CD6: variants seen among roughly 807,000 people sequenced by gnomAD.
The protein encoded by CD6 is T-cell differentiation antigen CD6.
Under a neutral mutation model 75.3 loss-of-function variants are expected in CD6, and 53 were observed. That is an observed-to-expected ratio of 0.70 (90% CI 0.56 to 0.88). The LOEUF (loss-of-function observed/expected upper bound fraction) is 0.88, where lower values mean the gene tolerates loss of function less well. Ranked by LOEUF, CD6 falls within the 40% of genes least tolerant of loss-of-function variation. The pLI is 0.00. For missense variants in CD6, 770 were observed against 897.1 expected, an observed-to-expected ratio of 0.86 and a Z score of 1.81; for synonymous variants, 359 against 381.5, an observed-to-expected ratio of 0.94 and a Z score of 0.69.
intron 1 of CD6, among the ~76,000 whole-genome samples, chr11:60,984,565 C>T (rs1005925986): frequency 3.3e-5 from 5 of 152,202 alleles, no homozygotes; most frequent in Non-Finnish European, 5.9e-5. Flanking sequence ...ACTGAGGATA[C>T]GGGACAAAGT....
intron 1 of CD6, chr11:60,987,843 A>G (rs1423244822): frequency 6.6e-6 from 1 of 152,224 alleles, no homozygotes; most frequent in Non-Finnish European, 1.5e-5. Context: ...ACTTAGTTCC[A>G]AGCCCAAGGA....
Position 61,019,436 on chromosome 11 carries a change from C to A in CD6, c.*118C>A. 1.4e-6 allele frequency: 1 copy of A among 733,568 alleles called. No homozygotes were observed. The highest frequency in any genetic ancestry group is 2.0e-5 in the South Asian group (1 of 50,942). The allele number at this position is 733,568 out of a possible 1,614,324, so 45.4% of individuals were successfully genotyped here. ...CTCCCCATGGAGCTGAGAGGCCTCC[C>A]TTGGAGAGATGGAAGGAAACGTTAT... On this transcript the variant is annotated 3_prime_UTR_variant, in exon 13 of 13. Transcript: ENST00000313421.
At chr11:60,995,057 C>T (rs1858234251) in intron 1 of CD6, among the ~76,000 whole-genome samples, 2 of 152,168 alleles carry the variant, frequency 1.3e-5, no homozygotes, top group Non-Finnish European at 2.9e-5. Flanking sequence ...TCCAAGTCCC[C>T]TCAAAGGTTG....
At chr11:61,014,691 C>T (rs1443224179) in intron 8 of CD6, among the ~76,000 whole-genome samples, 4 of 150,954 alleles carry the variant, frequency 2.6e-5, no homozygotes, top group South Asian at 2.1e-4. Flanking sequence ...GCCGAGATCA[C>T]GCCACTGCAC....
intron 3 of CD6, 111 bp from the exon 4 acceptor site, chr11:61,008,423 C>T: frequency 2.8e-6 from 3 of 1,068,650 alleles, no homozygotes; most frequent in Non-Finnish European, 4.0e-6. Flanking sequence ...GGCTACAGCC[C>T]TCTCACTGGG....
At position 61,009,593 on chromosome 11, in the gene CD6, CAG is replaced by C; in HGVS notation, c.804_805del (p.Gly270ArgfsTer2). On this transcript the variant is annotated frameshift_variant, in exon 5 of 13. Coordinates refer to ENST00000313421, the MANE Select transcript of CD6 (RefSeq NM_006725.5). LOFTEE classifies it high-confidence loss of function. ...GCAGAGCACCAGTCCTGGCGCCTGA[CAG>C]GGGGCGCTGACCGCTGCGAGGGGCA... 3 of 1,608,942 alleles carry C rather than the reference CAG, an allele frequency of 1.9e-6. No homozygotes were observed. Among genetic ancestry groups the C allele is most frequent in the Non-Finnish European group, 2.5e-6 (3 of 1,177,684 alleles).
Position 60,994,033 on chromosome 11 carries a change from C to T in CD6, c.50-12541C>T, listed in dbSNP as rs188178027. 3.5e-4 allele frequency among the ~76,000 whole-genome samples: 53 copies of T among 152,268 alleles called. No individual in the cohort carries two copies. The East Asian group carries it at 9.5e-3, about 27-fold the overall frequency. On this transcript the variant is annotated intron_variant, in intron 1 of 12. Coordinates refer to ENST00000313421, the MANE Select transcript of CD6 (RefSeq NM_006725.5). ...GAGTAGGAAACGTTGTCTTTTACTT[C>T]CCCTTGGATTTGGTGACAGAGAGGA...
At position 61,007,511 on chromosome 11, in the gene CD6, C is replaced by A; in HGVS notation, c.119-49C>A. On this transcript the variant is annotated intron_variant, in intron 2 of 12. Transcript: ENST00000313421. The surrounding 1 kb of genome is among the most constrained non-coding windows in gnomAD (Gnocchi z 4.2). Reference sequence around the variant, plus strand: ...GAGTCAGTGGCAGAGCCTGGGCAACCCTCTGCCCAGGCCCCACCGGTCTCA... The same window carrying A: ...GAGTCAGTGGCAGAGCCTGGGCAACACTCTGCCCAGGCCCCACCGGTCTCA... 1 of 1,319,206 alleles carries A rather than the reference C, an allele frequency of 7.6e-7. No homozygotes were observed. 81.7% of individuals were successfully genotyped at this position (1,319,206 alleles called of 1,614,324 possible).
chr11:60,978,503 T>C, intron 1 of CD6, among the ~76,000 whole-genome samples: 1 of 152,242 alleles, frequency 6.6e-6, no homozygotes, highest in East Asian at 1.9e-4. Context: ...CCTAACTTGC[T>C]GGGGAATCTT....
At position 61,008,580 on chromosome 11, in the gene CD6, C is replaced by G; in HGVS notation, c.516C>G (p.Gly172=). 6.2e-7 allele frequency: 1 copy of G among 1,607,630 alleles called. No homozygotes were observed. Among genetic ancestry groups the G allele is most frequent in the Non-Finnish European group, 8.5e-7 (1 of 1,177,594 alleles). Residue 172 remains glycine, a synonymous_variant, in exon 4 of 13, where the codon GGC becomes GGG. Coordinates refer to ENST00000313421, the MANE Select transcript of CD6 (RefSeq NM_006725.5). ...TGGACGGTGGCGGCGCCTGCGCCGG[C>G]CGCGTGGAGATGCTGGAGCATGGCG... ...RLVDGGGACA[G]RVEMLEHGEW...
At chr11:60,994,972 GTGAC>G in intron 1 of CD6, among the ~76,000 whole-genome samples, 1 of 152,210 alleles carries the variant, frequency 6.6e-6, no homozygotes, top group Non-Finnish European at 1.5e-5. Context: ...ACAGCACTGT[GTGAC>G]TGAGCCTGTG....
At chr11:61,018,494 GA>G (rs1859532456) in intron 12 of CD6, 101 bp downstream of exon 12, 2 of 918,930 alleles carry the variant, frequency 2.2e-6, no homozygotes, top group South Asian at 3.2e-5. Context: ...GGGAAAAGGA[GA>G]AAGGAAGGGT....
At chr11:61,017,718 G>A (rs1395878019) in intron 10 of CD6, 41 bp from the exon 11 acceptor site, 1 of 1,612,748 alleles carries the variant, frequency 6.2e-7, no homozygotes, top group Admixed American at 1.7e-5. Context: ...CCCTCTTGCT[G>A]CACTGCTTCT....
intron 1 of CD6, among the ~76,000 whole-genome samples, chr11:60,993,573 A>G (rs1000944005): frequency 2.6e-5 from 4 of 152,138 alleles, no homozygotes; most frequent in African/African-American, 4.8e-5. Flanking sequence ...GCCCAGTGCC[A>G]GGTTAAAGAT....
chr11:60,975,133 TTTA>T (rs199629424), intron 1 of CD6, among the ~76,000 whole-genome samples: 1,951 of 131,404 alleles, frequency 0.015, 49 homozygotes, highest in African/African-American at 0.051. Flanking sequence ...CATATTTTAT[TTTA>T]TAAGCCCTGT....
chr11:60,990,499 C>T (rs1353616619), intron 1 of CD6, among the ~76,000 whole-genome samples: 1 of 152,202 alleles, frequency 6.6e-6, no homozygotes, highest in African/African-American at 2.4e-5. Flanking sequence ...GCTGGGATTA[C>T]AGGCGTGAGC....
chr11:60,971,743 C>T lies in CD6; in HGVS notation c.-123C>T. 1 of 909,074 alleles carries T rather than the reference C, an allele frequency of 1.1e-6. No homozygotes were observed. Among genetic ancestry groups the T allele is most frequent in the Non-Finnish European group, 1.7e-6 (1 of 576,378 alleles). The allele number at this position is 909,074 out of a possible 1,614,324, so 56.3% of individuals were successfully genotyped here. On this transcript the variant is annotated 5_prime_UTR_variant, in exon 1 of 13. Coordinates refer to ENST00000313421, the MANE Select transcript of CD6 (RefSeq NM_006725.5). ...GAGAGAGCAGAGAGAGACACAGGAA[C>T]AAGAACAGCAAAGGGTAGAGCAGAC...
chr11:61,010,981 T>G lies in CD6; in HGVS notation c.1085-89T>G. On this transcript the variant is annotated intron_variant, in intron 5 of 12. Coordinates refer to ENST00000313421, the MANE Select transcript of CD6 (RefSeq NM_006725.5). Reference sequence around the variant, plus strand: ...CACAACCCTAGTTCTGGGTCACTTGTCTGTCCCATTCAGTTTCTAACCCAA... The same window carrying G: ...CACAACCCTAGTTCTGGGTCACTTGGCTGTCCCATTCAGTTTCTAACCCAA... 1.1e-5 allele frequency: 13 copies of G among 1,203,304 alleles called. 1 individual carries two copies. The highest frequency in any genetic ancestry group is 1.6e-5 in the Non-Finnish European group (13 of 808,544). The allele number at this position is 1,203,304 out of a possible 1,614,324, so 74.5% of individuals were successfully genotyped here. A position where few individuals can be genotyped will look rare whatever the true frequency, so the allele number is the denominator to read the frequency against.
intron 1 of CD6, among the ~76,000 whole-genome samples, chr11:61,003,990 A>AGTT (rs1858722336): frequency 6.6e-6 from 1 of 152,236 alleles, no homozygotes; most frequent in Non-Finnish European, 1.5e-5. Context: ...TCATTCATTC[A>AGTT]GTCAATCAAC....
Sources: gnomAD v4.1 joint callset for allele counts (sites outside exome capture counted in the v4.1 genomes callset) on GRCh38, gnomAD v4.1.1 for gene constraint, Gnocchi (gnomAD v3.1) non-coding constraint, MANE v1.5 for transcripts, NCBI Gene and HGNC (gene_info 2026-07-23, HGNC 2026-07-21) for gene names.